PARD3B: variants seen among roughly 807,000 people sequenced by gnomAD.
PARD3B encodes partitioning defective 3 homolog B.
A neutral mutation model predicts 130.2 loss-of-function variants in PARD3B; 103 were observed. The ratio of observed to expected loss-of-function variants is 0.79; its 90% confidence interval spans 0.67 to 0.93. The LOEUF (loss-of-function observed/expected upper bound fraction) is 0.93. Ranked by LOEUF, PARD3B falls within the 40% of genes least tolerant of loss-of-function variation. PARD3B has a pLI of 0.00. For synonymous variants in PARD3B, 583 were observed against 553.2 expected (o/e 1.05, Z -0.76); for missense variants, 1,609 against 1,499.2 (o/e 1.07, Z -1.21).
intron 2 of PARD3B, among the ~76,000 whole-genome samples, chr2:204,747,218 C>T (rs1054813522): frequency 1.3e-5 from 2 of 152,090 alleles, no homozygotes; most frequent in African/African-American, 4.8e-5. Context: ...TTCCCAGCAC[C>T]ATTTATTAAA....
intron 2 of PARD3B, among the ~76,000 whole-genome samples, chr2:204,729,343 C>T (rs576509424): frequency 1.4e-4 from 21 of 152,246 alleles, no homozygotes; most frequent in African/African-American, 4.8e-4. Flanking sequence ...GATTTTAAAA[C>T]TCTCACCGTA....
chr2:205,109,282 C>T (rs1234124369), intron 5 of PARD3B, among the ~76,000 whole-genome samples: 1 of 152,212 alleles, frequency 6.6e-6, no homozygotes, highest in African/African-American at 2.4e-5. Context: ...GTCCGCCTCT[C>T]ATACTATTGC....
At chr2:205,223,371 G>A (rs899375451) in intron 15 of PARD3B, among the ~76,000 whole-genome samples, 1 of 152,166 alleles carries the variant, frequency 6.6e-6, no homozygotes, top group Non-Finnish European at 1.5e-5. Context: ...ATGAGTAGTA[G>A]AGTTACAGAG....
chr2:204,893,785 A>G (rs1044624636), intron 2 of PARD3B, among the ~76,000 whole-genome samples: 1 of 152,178 alleles, frequency 6.6e-6, no homozygotes, highest in Non-Finnish European at 1.5e-5. Flanking sequence ...ACATGTGGCT[A>G]GTGGCTACCA....
intron 19 of PARD3B, among the ~76,000 whole-genome samples, chr2:205,414,065 A>G (rs1213442067): frequency 6.6e-6 from 1 of 152,094 alleles, no homozygotes; most frequent in Non-Finnish European, 1.5e-5. Context: ...TGCTGATTGT[A>G]TTTTGGGGGC....
At chr2:205,483,097 C>T (rs1008390648) in intron 20 of PARD3B, among the ~76,000 whole-genome samples, 1 of 152,140 alleles carries the variant, frequency 6.6e-6, no homozygotes, top group African/African-American at 2.4e-5. Flanking sequence ...AATTCAAGTG[C>T]ATGCCTCTCT....
chr2:204,902,903 C>T (rs1257257325), intron 2 of PARD3B, among the ~76,000 whole-genome samples: 2 of 152,118 alleles, frequency 1.3e-5, no homozygotes, highest in African/African-American at 4.8e-5. Context: ...TACGACTGGT[C>T]AGTGAATTGC....
At chr2:204,925,468 A>T (rs888785500) in intron 2 of PARD3B, among the ~76,000 whole-genome samples, 25 of 152,106 alleles carry the variant, frequency 1.6e-4, no homozygotes, top group African/African-American at 6.0e-4. Flanking sequence ...CATGTGACGA[A>T]AACTGACTAC....
At chr2:204,984,576 T>G (rs1692965394) in intron 3 of PARD3B, among the ~76,000 whole-genome samples, 1 of 152,148 alleles carries the variant, frequency 6.6e-6, no homozygotes, top group Non-Finnish European at 1.5e-5. Context: ...CACAAAGGAA[T>G]GTTATTGGAT....
At position 204,945,500 on chromosome 2, in the gene PARD3B, A is replaced by G. The variant is rs78976080; in HGVS notation, c.223-19652A>G. Among the ~76,000 whole-genome samples the G allele has an allele frequency of 7.5e-3, 1,137 of 152,344 alleles. 23 individuals carry two copies. The highest frequency in any genetic ancestry group is 0.026 in the African/African-American group (1,066 of 41,584). On this transcript the variant is annotated intron_variant, in intron 2 of 22. Transcript: ENST00000406610. ...TATCTATAGAACAGAAAAGGAACAC[A>G]GTCTTGTGAAAAGGGCTATGTTATT...
In PARD3B at chr2:204,760,058, A is replaced by T. The variant is rs1349772059; in HGVS notation, c.222+73776A>T. 2.0e-5 allele frequency among the ~76,000 whole-genome samples: 3 copies of T among 152,122 alleles called. No homozygotes were observed. In the East Asian group the frequency reaches 5.8e-4, roughly 29 times the overall value. Reference sequence around the variant, plus strand: ...AAATACTGCATGGTATTACTCTGAAAACAGAACCCATGCTGAGCATTAAAG... The same window carrying T: ...AAATACTGCATGGTATTACTCTGAATACAGAACCCATGCTGAGCATTAAAG... On this transcript the variant is annotated intron_variant, in intron 2 of 22. Coordinates refer to ENST00000406610, the MANE Select transcript of PARD3B (RefSeq NM_001302769.2).
Position 204,906,873 on chromosome 2 carries a change from C to G in PARD3B, c.223-58279C>G, listed in dbSNP as rs1179341997. ...ATGGTGATATCTTGGAGAATGTATG[C>G]TATTTGCAGATAATGAAGATTGCTG... On this transcript the variant is annotated intron_variant, in intron 2 of 22. Coordinates refer to ENST00000406610, the MANE Select transcript of PARD3B (RefSeq NM_001302769.2). This position sits in a 1 kb window ranked among gnomAD's most constrained non-coding sequence, Gnocchi z 4.3. 6.6e-6 allele frequency among the ~76,000 whole-genome samples: 1 copy of G among 152,046 alleles called. No homozygotes were observed. The highest frequency in any genetic ancestry group is 2.1e-4 in the South Asian group (1 of 4,830).
At chr2:204,975,846 G>T (rs1289690496) in intron 3 of PARD3B, among the ~76,000 whole-genome samples, 1 of 152,128 alleles carries the variant, frequency 6.6e-6, no homozygotes, top group Non-Finnish European at 1.5e-5. Flanking sequence ...GGAGCAACTT[G>T]GCCATCTTGG....
intron 20 of PARD3B, among the ~76,000 whole-genome samples, chr2:205,489,328 G>A (rs374612730): frequency 6.6e-6 from 1 of 151,864 alleles, no homozygotes; most frequent in Non-Finnish European, 1.5e-5. Flanking sequence ...GGGGCTGGGT[G>A]CAGTGGCTTA....
intron 10 of PARD3B, among the ~76,000 whole-genome samples, chr2:205,137,343 T>C (rs920278347): frequency 5.9e-5 from 9 of 152,110 alleles, no homozygotes; most frequent in African/African-American, 2.2e-4. Flanking sequence ...AACGAACATC[T>C]TTCCGAAGGC....
intron 1 of PARD3B, among the ~76,000 whole-genome samples, chr2:204,588,669 A>G (rs1223101442): frequency 2.0e-5 from 3 of 152,196 alleles, no homozygotes; most frequent in African/African-American, 4.8e-5. Context: ...GGAATACTGC[A>G]CTTAATGGAG....
rs569574788 is a variant in PARD3B at position 204,637,451 on chromosome 2, A to G, written c.121-48730A>G. ...AGATTTAATATACACATTCATTTAA[A>G]TAATACATAATGTCTGAGATAGATG... is the stretch of plus-strand genomic sequence containing the variant. On this transcript the variant is annotated intron_variant, in intron 1 of 22. Coordinates refer to ENST00000406610, the MANE Select transcript of PARD3B (RefSeq NM_001302769.2). Among the ~76,000 whole-genome samples, 5 of 152,298 alleles carry G rather than the reference A, an allele frequency of 3.3e-5. No homozygotes were observed. In the East Asian group the frequency reaches 5.8e-4, roughly 18 times the overall value.
rs559767196 is a variant in PARD3B at position 205,160,570 on chromosome 2, A to G, written c.1620+1663A>G. Among the ~76,000 whole-genome samples the G allele has an allele frequency of 6.6e-6, 1 of 152,378 alleles. No individual in the cohort carries two copies. Among genetic ancestry groups the G allele is most frequent in the East Asian group, 1.9e-4 (1 of 5,190 alleles). Reference sequence around the variant, plus strand: ...ATGAAGTTATGGCAAAGATGTAGATACAGAGAAGGGTAAAGAATTGAGTCC... The same window carrying G: ...ATGAAGTTATGGCAAAGATGTAGATGCAGAGAAGGGTAAAGAATTGAGTCC... On this transcript the variant is annotated intron_variant, in intron 11 of 22. Coordinates refer to ENST00000406610, the MANE Select transcript of PARD3B (RefSeq NM_001302769.2). This position sits in a 1 kb window ranked among gnomAD's most constrained non-coding sequence, Gnocchi z 4.0.
At chr2:205,539,497 CA>C (rs2052025052) in intron 21 of PARD3B, among the ~76,000 whole-genome samples, 1 of 152,166 alleles carries the variant, frequency 6.6e-6, no homozygotes, top group African/African-American at 2.4e-5. Flanking sequence ...AGGCCGTGGT[CA>C]GGGGCCCATC....
Sources: gnomAD v4.1 joint callset for allele counts (sites outside exome capture counted in the v4.1 genomes callset) on GRCh38, gnomAD v4.1.1 for gene constraint, Gnocchi (gnomAD v3.1) non-coding constraint, MANE v1.5 for transcripts, NCBI Gene and HGNC (gene_info 2026-07-23, HGNC 2026-07-21) for gene names.